APAF1: variants seen among roughly 807,000 people sequenced by gnomAD.
The protein encoded by APAF1 is apoptotic peptidase activating factor 1.
A neutral mutation model predicts 152.4 loss-of-function variants in APAF1; 91 were observed. The observed-to-expected ratio is 0.60, with a 90% CI of 0.50 to 0.71. The LOEUF is 0.71. Ranked by LOEUF, APAF1 falls within the 30% of genes least tolerant of loss-of-function variation. The pLI, the probability that APAF1 is intolerant of heterozygous loss-of-function variation, is 0.00. For missense variants in APAF1, 1,283 were observed against 1,472.0 expected, an observed-to-expected ratio of 0.87 and a Z score of 2.10; for synonymous variants, 484 against 494.1, an observed-to-expected ratio of 0.98 and a Z score of 0.27.
In APAF1 at chr12:98,645,663, C is replaced by T. The variant is rs969331138; in HGVS notation, c.-214C>T. On this transcript the variant is annotated 5_prime_UTR_variant, in exon 1 of 27. Coordinates refer to ENST00000551964, the MANE Select transcript of APAF1 (RefSeq NM_181861.2). ...GGGCTGCAGAGATCCAGGGGAGGCG[C>T]CTGTGAGGCCCGGACCTGCCCCGGG... The T allele has an allele frequency of 6.6e-6, 1 of 152,274 alleles. No individual in the cohort carries two copies. Among genetic ancestry groups the T allele is most frequent in the Non-Finnish European group, 1.5e-5 (1 of 68,090 alleles). The allele number at this position is 152,274 out of a possible 1,614,324, so 9.4% of individuals were successfully genotyped here.
In APAF1 at chr12:98,648,753, A is replaced by T. The variant is rs1433835580; in HGVS notation, c.266A>T (p.Asp89Val). Residue 89 changes from aspartate to valine, a missense_variant, in exon 3 of 27, where the codon GAT becomes GTT. Coordinates refer to ENST00000551964, the MANE Select transcript of APAF1 (RefSeq NM_181861.2). ...AAAGATCTTGCTGCCCTTCTCCATGATGGCATTCCTGTTGTCTCTTCTTCC... is the reference window on the plus strand; with the variant it reads ...AAAGATCTTGCTGCCCTTCTCCATGTTGGCATTCCTGTTGTCTCTTCTTCC... ...GYKDLAALLH[D>V]GIPVVSSSSG... The T allele has an allele frequency of 1.2e-6, 2 of 1,614,064 alleles. No homozygotes were observed. Among genetic ancestry groups the T allele is most frequent in the Admixed American group, 1.7e-5 (1 of 60,018 alleles).
rs1323939935 is a variant in APAF1, at chr12:98,648,448, T to C, written c.89T>C (p.Ile30Thr). The C allele has an allele frequency of 1.9e-5, 30 of 1,613,774 alleles. No homozygotes were observed. Among genetic ancestry groups the C allele is most frequent in the Non-Finnish European group, 2.5e-5 (30 of 1,179,746 alleles). ...ACATCCTACATCATGGATCACATGA[T>C]TAGTGATGGATTTTTAACAATATCA... ...IKTSYIMDHM[I>T]SDGFLTISEE... Residue 30 changes from isoleucine (I) to threonine (T), a missense_variant, in exon 2 of 27, where the codon ATT becomes ACT. Transcript: ENST00000551964.
rs775798433 is a variant in APAF1, at chr12:98,723,310, A to G, written c.3202A>G (p.Lys1068Glu). The G allele has an allele frequency of 1.9e-6, 3 of 1,613,272 alleles. No individual in the cohort carries two copies. The highest frequency in any genetic ancestry group is 2.5e-6 in the Non-Finnish European group (3 of 1,179,360). ...TTCTTGGTCATTTGATGGAACAGTGAAGGTAATTTAAAGTATAAATTTGTT... is the reference window on the plus strand; with the variant it reads ...TTCTTGGTCATTTGATGGAACAGTGGAGGTAATTTAAAGTATAAATTTGTT... ...LLSWSFDGTV[K>E]VWNIITGNKE... is the part of the protein sequence containing the mutation. The change falls in exon 23 of 27, where the codon AAG (lysine) becomes GAG (glutamate). Residue 1068 changes from lysine (K) to glutamate (E), a missense_variant and splice_region_variant. Lys to Glu is a moderately conservative substitution (Grantham distance 56, BLOSUM62 1). Coordinates refer to ENST00000551964, the MANE Select transcript of APAF1 (RefSeq NM_181861.2).
chr12:98,673,642 C>G (rs2097683311), intron 12 of APAF1, among the ~76,000 whole-genome samples: 2 of 152,072 alleles, frequency 1.3e-5, no homozygotes, highest in African/African-American at 4.8e-5. Flanking sequence ...CCAAATAAGT[C>G]AGACTACTGT....
rs568056054 is a variant in APAF1 at position 98,693,796 on chromosome 12, T to G, written c.2305-5612T>G. 7.9e-5 allele frequency among the ~76,000 whole-genome samples: 12 copies of G among 151,958 alleles called. No homozygotes were observed. The South Asian group carries it at 2.3e-3, about 29-fold the overall frequency. ...AATTGGAACACTTGTTTTTCAGTTT[T>G]TTTTTTTTTTTTCGTCTTCTTTCTT... On this transcript the variant is annotated intron_variant, in intron 16 of 26. Transcript: ENST00000551964.
chr12:98,677,294 A>G, intron 12 of APAF1, 131 bp from the exon 13 acceptor site: 1 of 909,706 alleles, frequency 1.1e-6, no homozygotes, highest in Non-Finnish European at 1.7e-6. Flanking sequence ...CATGTTAGTA[A>G]TCTGATTTTA....
intron 19 of APAF1, 92 bp from the exon 20 acceptor site, chr12:98,708,493 G>A (rs1378100500): frequency 5.5e-6 from 7 of 1,282,332 alleles, no homozygotes; most frequent in Admixed American, 1.8e-5. Flanking sequence ...AGCATCATAG[G>A]TATTTTATGT....
intron 17 of APAF1, among the ~76,000 whole-genome samples, chr12:98,703,073 CTG>C (rs1209143261): frequency 6.6e-6 from 1 of 152,126 alleles, no homozygotes; most frequent in Admixed American, 6.5e-5. Flanking sequence ...GAGAACTACT[CTG>C]TATGTTAATT....
intron 25 of APAF1, 91 bp downstream of exon 25, chr12:98,725,631 A>G: frequency 6.4e-7 from 1 of 1,570,294 alleles, no homozygotes; most frequent in Non-Finnish European, 8.8e-7. Flanking sequence ...GGGCCAGGGA[A>G]GCATAGTCCT....
In APAF1 at chr12:98,734,978, T is replaced by C; in HGVS notation, c.*2412T>C. ...AAAAGAAATTAGGAGCCAGGTGCGG[T>C]GGCACGTGCCTGTAATCCCAGCTCC... is the stretch of plus-strand genomic sequence containing the variant. On this transcript the variant is annotated 3_prime_UTR_variant, in exon 27 of 27. Transcript: ENST00000551964. The C allele has an allele frequency of 2.6e-6, 1 of 384,694 alleles. No individual in the cohort carries two copies. The allele number at this position is 384,694 out of a possible 1,614,324, so 23.8% of individuals were successfully genotyped here. A position where few individuals can be genotyped will look rare whatever the true frequency, so the allele number is the denominator to read the frequency against.
In APAF1 at chr12:98,659,634, C is replaced by A. The variant is rs191531014; in HGVS notation, c.710+291C>A. Among the ~76,000 whole-genome samples, 196 of 152,034 alleles carry A rather than the reference C, an allele frequency of 1.3e-3. 1 individual carries two copies. In the Middle Eastern group the frequency reaches 0.017, roughly 13 times the overall value. On this transcript the variant is annotated intron_variant, in intron 5 of 26. Coordinates refer to ENST00000551964, the MANE Select transcript of APAF1 (RefSeq NM_181861.2). ...GGTGTTGGTGGCTCATGCCTGTAAT[C>A]CCAGCTGCTCAGGAGGCTGAGGCAG... is the stretch of plus-strand genomic sequence containing the variant.
At chr12:98,710,213 G>T (rs1223634777) in intron 20 of APAF1, among the ~76,000 whole-genome samples, 1 of 144,068 alleles carries the variant, frequency 6.9e-6, no homozygotes, top group South Asian at 2.2e-4. Context: ...TTTTAGTAGA[G>T]ATGAAACTAT....
At chr12:98,724,953 A>C (rs1337363076) in intron 24 of APAF1, among the ~76,000 whole-genome samples, 2 of 152,246 alleles carry the variant, frequency 1.3e-5, no homozygotes, top group Admixed American at 1.3e-4. Context: ...TAACATTTAA[A>C]GATTACTTGT....
rs2097639330 is a variant in APAF1 at position 98,645,845 on chromosome 12, C to T, written c.-42+10C>T. The T allele has an allele frequency of 6.6e-6, 1 of 152,296 alleles. No individual in the cohort carries two copies. Among genetic ancestry groups the T allele is most frequent in the East Asian group, 1.9e-4 (1 of 5,198 alleles). 9.4% of individuals were successfully genotyped at this position (152,296 alleles called of 1,614,324 possible). ...AGGCGCAAAGGCTTGGGTAAGTTGA[C>T]CTCCTCGCTTTTCTCCCCGAGCCAG... On this transcript the variant is annotated intron_variant, in intron 1 of 26. Coordinates refer to ENST00000551964, the MANE Select transcript of APAF1 (RefSeq NM_181861.2).
At chr12:98,719,876 C>G (rs901308294) in intron 22 of APAF1, among the ~76,000 whole-genome samples, 11 of 151,962 alleles carry the variant, frequency 7.2e-5, no homozygotes, top group African/African-American at 2.7e-4. Flanking sequence ...ATTGTGGTGG[C>G]AATATTTAAT....
At chr12:98,686,944 G>T in intron 16 of APAF1, 71 bp downstream of exon 16, 2 of 1,506,310 alleles carry the variant, frequency 1.3e-6, no homozygotes, top group South Asian at 2.4e-5. Context: ...ATAGAAATAG[G>T]TTTCTGTTTT....
intron 25 of APAF1, among the ~76,000 whole-genome samples, 177 bp from the exon 26 acceptor site, chr12:98,726,996 C>T (rs2097751512): frequency 6.6e-6 from 1 of 151,944 alleles, no homozygotes; most frequent in African/African-American, 2.4e-5. Context: ...TAGAGCACTG[C>T]TTATATATTA....
At chr12:98,661,703 A>G (rs1593033082) in intron 5 of APAF1, among the ~76,000 whole-genome samples, 1 of 151,482 alleles carries the variant, frequency 6.6e-6, no homozygotes, top group Admixed American at 6.6e-5. Flanking sequence ...TCCCGACCTC[A>G]GGTGATCCGC....
intron 3 of APAF1, chr12:98,649,119 G>C (rs2097645880): frequency 1.5e-6 from 1 of 674,294 alleles, no homozygotes; most frequent in African/African-American, 2.0e-5. Context: ...AGAGTTTATA[G>C]GAAAAAATAA....
Sources: allele counts gnomAD v4.1 joint callset (sites outside exome capture counted in the v4.1 genomes callset), GRCh38; gene constraint gnomAD v4.1.1; transcripts MANE v1.5; gene names NCBI Gene and HGNC (gene_info 2026-07-23, HGNC 2026-07-21).